The following PTPRN2 variants were observed in gnomAD, a reference collection of about 807,000 sequenced individuals.
The protein encoded by PTPRN2 is protein tyrosine phosphatase receptor type N2, also known as receptor-type tyrosine-protein phosphatase N2.
PTPRN2 carries 74 observed loss-of-function variants against 118.8 expected under a neutral mutation model. The ratio of observed to expected loss-of-function variants is 0.62; its 90% CI spans 0.52 to 0.76. The LOEUF (loss-of-function observed/expected upper bound fraction) is 0.76. Ranked by LOEUF, PTPRN2 falls within the 30% of genes least tolerant of loss-of-function variation. PTPRN2 has a pLI of 0.00. For missense variants in PTPRN2, 1,481 were observed against 1,394.4 expected (o/e 1.06, Z -0.99); for synonymous variants, 641 against 608.0 (o/e 1.05, Z -0.80).
chr7:157,913,510 G>T lies in PTPRN2; in HGVS notation c.1724-14773C>A, dbSNP rs75474231. On this transcript the variant is annotated intron_variant, in intron 11 of 22. Coordinates refer to ENST00000389418, the MANE Select transcript of PTPRN2 (RefSeq NM_002847.5). ...TTCAAGAGAATATTTCCAGTGTTTT[G>T]CTGGGAAGCATGATGTTTCTGTAGG... Among the ~76,000 whole-genome samples the T allele has an allele frequency of 0.011, 1,740 of 152,280 alleles. 150 individuals carry two copies. In the East Asian group the frequency reaches 0.24, roughly 21 times the overall value.
intron 11 of PTPRN2, among the ~76,000 whole-genome samples, chr7:158,046,686 G>T (rs999715518): frequency 6.6e-6 from 1 of 152,220 alleles, no homozygotes; most frequent in Admixed American, 6.5e-5. Context: ...AGGAGAGGAT[G>T]CCGGGCTGGG....
chr7:157,628,810 G>C (rs1803759234), intron 14 of PTPRN2, among the ~76,000 whole-genome samples: 3 of 152,218 alleles, frequency 2.0e-5, no homozygotes. Flanking sequence ...CCCACGCTCT[G>C]TGGCTGCACT....
rs542931371 is a variant in PTPRN2, at chr7:158,529,296, C to T, written c.113-39511G>A. ...TATTTTCACATTTTAAAATCATCTC[C>T]ATTTTGCTTTGGAATGCGTGGCATC... On this transcript the variant is annotated intron_variant, in intron 1 of 22. Transcript: ENST00000389418. The surrounding 1 kb of genome is among the most constrained non-coding windows in gnomAD (Gnocchi z 4.7). Among the ~76,000 whole-genome samples the T allele has an allele frequency of 1.4e-3, 213 of 152,360 alleles. 3 individuals carry two copies. The highest frequency in any genetic ancestry group is 4.8e-3 in the African/African-American group (201 of 41,582).
intron 1 of PTPRN2, among the ~76,000 whole-genome samples, chr7:158,564,666 C>T (rs1437301050): frequency 6.6e-6 from 1 of 152,246 alleles, no homozygotes; most frequent in Non-Finnish European, 1.5e-5. Flanking sequence ...CCTTCCACTG[C>T]ACCCTCCAGC....
chr7:157,737,407 C>T (rs543873847), intron 12 of PTPRN2, among the ~76,000 whole-genome samples: 15 of 152,352 alleles, frequency 9.8e-5, no homozygotes, highest in African/African-American at 3.1e-4. Flanking sequence ...TTGGAGGGCA[C>T]GTGTGCTGTG....
At chr7:158,390,326 C>A (rs992150657) in intron 2 of PTPRN2, among the ~76,000 whole-genome samples, 1 of 152,240 alleles carries the variant, frequency 6.6e-6, no homozygotes, top group Non-Finnish European at 1.5e-5. Context: ...AGAAGTTATT[C>A]CCATGCAGCG....
At chr7:158,083,877 G>A (rs919208848) in intron 10 of PTPRN2, among the ~76,000 whole-genome samples, 1 of 150,396 alleles carries the variant, frequency 6.6e-6, no homozygotes, top group South Asian at 2.1e-4. Flanking sequence ...GTCTCCGGAG[G>A]AGACTCAGAG....
intron 11 of PTPRN2, among the ~76,000 whole-genome samples, chr7:157,905,933 CT>C (rs1340662071): frequency 1.3e-5 from 2 of 152,160 alleles, no homozygotes; most frequent in Non-Finnish European, 2.9e-5. Flanking sequence ...ACGACGTCCC[CT>C]AGGGTAAGAC....
chr7:158,342,598 C>G (rs1289264768), intron 2 of PTPRN2, among the ~76,000 whole-genome samples: 1 of 152,134 alleles, frequency 6.6e-6, no homozygotes, highest in East Asian at 1.9e-4. Flanking sequence ...CACCCACACT[C>G]TCACCATAAG....
At chr7:158,146,503 C>A (rs914146527) in intron 6 of PTPRN2, among the ~76,000 whole-genome samples, 4 of 151,926 alleles carry the variant, frequency 2.6e-5, no homozygotes, top group Non-Finnish European at 4.4e-5. Context: ...ATGCGGATCA[C>A]GAGGTCAGGA....
chr7:157,866,482 TAC>T (rs1043978860), intron 12 of PTPRN2, among the ~76,000 whole-genome samples: 12 of 151,020 alleles, frequency 7.9e-5, no homozygotes, highest in African/African-American at 2.2e-4. Context: ...ATCCCTCGTG[TAC>T]ACACACACAC....
intron 3 of PTPRN2, among the ~76,000 whole-genome samples, chr7:158,278,058 C>T (rs112289379): frequency 1.2e-4 from 19 of 152,166 alleles, no homozygotes; most frequent in East Asian, 3.9e-4. Flanking sequence ...ATCCAAGGCC[C>T]GGGGTGGCCG....
intron 1 of PTPRN2, among the ~76,000 whole-genome samples, chr7:158,552,516 C>G (rs1826730469): frequency 1.3e-5 from 2 of 152,310 alleles, no homozygotes; most frequent in Middle Eastern, 3.4e-3. Flanking sequence ...CTGATGCAAT[C>G]TCAGCTCACT....
intron 12 of PTPRN2, among the ~76,000 whole-genome samples, chr7:157,724,905 T>C (rs1243514177): frequency 6.6e-6 from 1 of 152,206 alleles, no homozygotes; most frequent in Non-Finnish European, 1.5e-5. Flanking sequence ...TTAAAAGGCA[T>C]GCATTACATG....
intron 11 of PTPRN2, among the ~76,000 whole-genome samples, chr7:158,079,736 G>A (rs1266510132): frequency 6.6e-6 from 1 of 152,190 alleles, no homozygotes; most frequent in Non-Finnish European, 1.5e-5. Flanking sequence ...TGGAGGGAGG[G>A]AGCTCTGGCA....
intron 11 of PTPRN2, among the ~76,000 whole-genome samples, chr7:158,080,346 T>C (rs1238509510): frequency 8.7e-6 from 1 of 115,578 alleles, no homozygotes; most frequent in Non-Finnish European, 1.8e-5. Context: ...AAAAAACAAG[T>C]TCATAGATTT....
rs971185053 is a variant in PTPRN2, at chr7:157,764,940, T to A, written c.1789-82003A>T. On this transcript the variant is annotated intron_variant, in intron 12 of 22. Transcript: ENST00000389418. The surrounding 1 kb of genome is among the most constrained non-coding windows in gnomAD (Gnocchi z 4.5). ...CCATTGATCCATCCATATCCATCCA[T>A]CCATATCCATCCATCCACCCACCCA... is the stretch of plus-strand genomic sequence containing the variant. Among the ~76,000 whole-genome samples, 4 of 150,042 alleles carry A rather than the reference T, an allele frequency of 2.7e-5. No individual in the cohort carries two copies. Among genetic ancestry groups the A allele is most frequent in the African/African-American group, 9.8e-5 (4 of 40,722 alleles).
At chr7:158,462,507 C>A (rs114311153) in intron 2 of PTPRN2, among the ~76,000 whole-genome samples, 1,923 of 152,260 alleles carry the variant, frequency 0.013, 33 homozygotes, top group African/African-American at 0.043. Flanking sequence ...TAAGGGGTGC[C>A]TGGTCCTGTC....
At chr7:158,410,581 T>C (rs1813965285) in intron 2 of PTPRN2, among the ~76,000 whole-genome samples, 1 of 152,190 alleles carries the variant, frequency 6.6e-6, no homozygotes, top group Non-Finnish European at 1.5e-5. Flanking sequence ...TGAGCCTCCC[T>C]AAGCTTCGGT....
Sources: allele counts gnomAD v4.1 joint callset (sites outside exome capture counted in the v4.1 genomes callset), GRCh38; gene constraint gnomAD v4.1.1; non-coding constraint Gnocchi (gnomAD v3.1); transcripts MANE v1.5; gene names NCBI Gene and HGNC (gene_info 2026-07-23, HGNC 2026-07-21).